CPA6: variants seen among roughly 807,000 people sequenced by gnomAD.
CPA6 encodes the protein carboxypeptidase A6, also known as carboxypeptidase B.
Under a neutral mutation model 63.3 loss-of-function variants are expected in CPA6, and 58 were observed. That is an observed-to-expected ratio of 0.92 (90% CI 0.74 to 1.14). The LOEUF (loss-of-function observed/expected upper bound fraction) is 1.14. CPA6 is among the 50% of genes most tolerant of loss of function. The pLI is 0.00. For missense variants in CPA6, 565 were observed against 526.6 expected, an observed-to-expected ratio of 1.07 and a Z score of -0.71; for synonymous variants, 185 against 179.0, an observed-to-expected ratio of 1.03 and a Z score of -0.27.
chr8:67,667,673 C>T (rs977709248), intron 1 of CPA6, among the ~76,000 whole-genome samples: 5 of 152,156 alleles, frequency 3.3e-5, no homozygotes, highest in African/African-American at 1.2e-4. Flanking sequence ...ATTTCTAACC[C>T]ACTGACTTTC....
At chr8:67,585,671 G>A (rs550991656) in intron 2 of CPA6, among the ~76,000 whole-genome samples, 8 of 152,124 alleles carry the variant, frequency 5.3e-5, no homozygotes, top group Admixed American at 5.2e-4. Flanking sequence ...AAGTATTAAT[G>A]TGTTTTTCTC....
intron 1 of CPA6, among the ~76,000 whole-genome samples, chr8:67,712,091 C>G (rs113112451): frequency 1.3e-5 from 2 of 152,130 alleles, no homozygotes; most frequent in African/African-American, 4.8e-5. Context: ...CTTGTGCCAC[C>G]GAGCTCGACC....
At chr8:67,713,099 GTATATATATATATATATATATATATA>G (rs67842734) in intron 1 of CPA6, among the ~76,000 whole-genome samples, 4 of 55,026 alleles carry the variant, frequency 7.3e-5, no homozygotes, top group South Asian at 9.3e-4. Context: ...GTGTGTGTGT[GTATATATATATATATATATATATATA>G]TATATATATA....
At chr8:67,601,970 G>A (rs975305869) in intron 2 of CPA6, among the ~76,000 whole-genome samples, 1 of 152,134 alleles carries the variant, frequency 6.6e-6, no homozygotes, top group Non-Finnish European at 1.5e-5. Context: ...TCTAATATCA[G>A]TAGAAGACTG....
chr8:67,499,427 A>C (rs1281031640), intron 6 of CPA6, among the ~76,000 whole-genome samples: 2 of 152,216 alleles, frequency 1.3e-5, no homozygotes, highest in East Asian at 3.8e-4. Flanking sequence ...TTTTATAATA[A>C]ACTTCTGATT....
intron 2 of CPA6, among the ~76,000 whole-genome samples, chr8:67,562,597 G>A (rs1043319160): frequency 1.3e-5 from 2 of 152,188 alleles, no homozygotes; most frequent in Non-Finnish European, 2.9e-5. Context: ...ATGGTATTAG[G>A]AGGTGAGGCT....
chr8:67,574,353 G>A (rs1486898998), intron 2 of CPA6, among the ~76,000 whole-genome samples: 1 of 147,656 alleles, frequency 6.8e-6, no homozygotes, highest in Non-Finnish European at 1.5e-5. Context: ...TCCAGCCTGG[G>A]CAACAGAGTG....
intron 1 of CPA6, among the ~76,000 whole-genome samples, chr8:67,633,796 G>A (rs1211301574): frequency 1.3e-5 from 2 of 151,918 alleles, no homozygotes; most frequent in East Asian, 3.8e-4. Flanking sequence ...CATACTTTGA[G>A]ACACCGTTTT....
chr8:67,625,360 A>C (rs1815172889), intron 1 of CPA6, among the ~76,000 whole-genome samples: 2 of 152,342 alleles, frequency 1.3e-5, no homozygotes, highest in Middle Eastern at 3.4e-3. Context: ...TGAACACAAT[A>C]TAAGGTTCTT....
At chr8:67,715,348 G>C (rs1817355426) in intron 1 of CPA6, among the ~76,000 whole-genome samples, 1 of 152,190 alleles carries the variant, frequency 6.6e-6, no homozygotes, top group Admixed American at 6.5e-5. Flanking sequence ...TTTGCTAGAT[G>C]GCTCATGCCA....
At position 67,483,755 on chromosome 8, in the gene CPA6, G is replaced by A; in HGVS notation, c.838+13C>T. On this transcript the variant is annotated intron_variant, in intron 8 of 10. Coordinates refer to ENST00000297770, the MANE Select transcript of CPA6 (RefSeq NM_020361.5). ...AACCTTTGGATCTGGATCCCAGTTGGTCCCAAACTTACCACACCACTTCAC... is the reference window on the plus strand; with the variant it reads ...AACCTTTGGATCTGGATCCCAGTTGATCCCAAACTTACCACACCACTTCAC... The A allele has an allele frequency of 3.1e-6, 5 of 1,610,612 alleles. No individual in the cohort carries two copies. Among genetic ancestry groups the A allele is most frequent in the Non-Finnish European group, 4.2e-6 (5 of 1,176,874 alleles).
At chr8:67,660,362 C>T (rs1431017324) in intron 1 of CPA6, among the ~76,000 whole-genome samples, 1 of 118,668 alleles carries the variant, frequency 8.4e-6, no homozygotes, top group Non-Finnish European at 1.6e-5. Flanking sequence ...CAGAGTCTCA[C>T]TCTGTCACCC....
At chr8:67,542,991 G>C (rs1487971276) in intron 2 of CPA6, among the ~76,000 whole-genome samples, 1 of 152,104 alleles carries the variant, frequency 6.6e-6, no homozygotes, top group African/African-American at 2.4e-5. Flanking sequence ...TAATTATTTA[G>C]TATTTGTAGT....
intron 2 of CPA6, among the ~76,000 whole-genome samples, chr8:67,526,146 C>T (rs1328577381): frequency 6.6e-6 from 1 of 152,160 alleles, no homozygotes; most frequent in African/African-American, 2.4e-5. Flanking sequence ...TTTGGATTTG[C>T]TTTAGGACAT....
intron 9 of CPA6, among the ~76,000 whole-genome samples, chr8:67,431,876 A>G (rs1194446322): frequency 6.6e-6 from 1 of 152,234 alleles, no homozygotes; most frequent in Non-Finnish European, 1.5e-5. Context: ...CACAAGTCTT[A>G]GACATCTAGA....
At chr8:67,615,824 A>G (rs1178645340) in intron 2 of CPA6, among the ~76,000 whole-genome samples, 1 of 152,248 alleles carries the variant, frequency 6.6e-6, no homozygotes, top group Non-Finnish European at 1.5e-5. Context: ...TAACTCAAGG[A>G]GAATCCAGTA....
chr8:67,551,379 A>C (rs1005800892), intron 2 of CPA6, among the ~76,000 whole-genome samples: 1 of 152,116 alleles, frequency 6.6e-6, no homozygotes, highest in Non-Finnish European at 1.5e-5. Context: ...CCATTGGTCT[A>C]TGTGTCTCTT....
intron 1 of CPA6, among the ~76,000 whole-genome samples, chr8:67,739,218 G>T (rs1817869204): frequency 6.6e-6 from 1 of 152,184 alleles, no homozygotes; most frequent in Non-Finnish European, 1.5e-5. Flanking sequence ...CAGAGGGGTA[G>T]AGGACTGCAG....
At chr8:67,473,306 G>A (rs1811104907) in intron 8 of CPA6, among the ~76,000 whole-genome samples, 1 of 152,172 alleles carries the variant, frequency 6.6e-6, no homozygotes. Flanking sequence ...ATATTCCCCA[G>A]TTGAGTAGTG....
Sources: allele counts gnomAD v4.1 joint callset (sites outside exome capture counted in the v4.1 genomes callset), GRCh38; gene constraint gnomAD v4.1.1; transcripts MANE v1.5; gene names NCBI Gene and HGNC (gene_info 2026-07-23, HGNC 2026-07-21).